Variants in MEI1 observed in about 807,000 individuals in gnomAD.
MEI1 encodes the protein meiosis inhibitor protein 1.
A neutral mutation model predicts 146.2 loss-of-function variants in MEI1; 103 were observed. The observed-to-expected ratio is 0.70, with a 90% CI of 0.60 to 0.83. The LOEUF (loss-of-function observed/expected upper bound fraction) is 0.83, where lower values mean the gene tolerates loss of function less well. Ranked by LOEUF, MEI1 falls within the 40% of genes least tolerant of loss-of-function variation. The pLI is 0.00. For synonymous variants in MEI1, 652 were observed against 628.2 expected (o/e 1.04, Z -0.57); for missense variants, 1,529 against 1,533.0 (o/e 1.00, Z 0.04).
Position 41,716,121 on chromosome 22 carries a change from G to A in MEI1, c.504G>A (p.Leu168=), listed in dbSNP as rs2070124323. ...LGKLVDAIPA[L]ADELVMEHGN... ...AGTTGGTGGATGCCATCCCTGCTCT[G>A]GCAGACGAGCTTGTAATGGAGCATG... Residue 168 remains leucine, a synonymous_variant, in exon 5 of 31, where the codon CTG becomes CTA. Coordinates refer to ENST00000401548, the MANE Select transcript of MEI1 (RefSeq NM_152513.4). 6.2e-7 allele frequency: 1 copy of A among 1,610,182 alleles called. No individual in the cohort carries two copies. The highest frequency in any genetic ancestry group is 8.5e-7 in the Non-Finnish European group (1 of 1,178,248).
chr22:41,791,270 T>G (rs2148231381), intron 26 of MEI1, among the ~76,000 whole-genome samples: 1 of 152,228 alleles, frequency 6.6e-6, no homozygotes, highest in South Asian at 2.1e-4. Context: ...GTGGATTGCT[T>G]GAGTCTACGA....
chr22:41,742,875 C>G (rs2072996117), intron 11 of MEI1, among the ~76,000 whole-genome samples: 2 of 152,162 alleles, frequency 1.3e-5, no homozygotes, highest in Admixed American at 1.3e-4. Context: ...ATCTCCTGGA[C>G]TCAAGACATC....
chr22:41,721,237 C>CTTTTT (rs984702207), intron 6 of MEI1, among the ~76,000 whole-genome samples: 1,025 of 70,464 alleles, frequency 0.015, 85 homozygotes, highest in African/African-American at 0.059. Flanking sequence ...CACGCCCGTT[C>CTTTTT]TTTTTTTTTT....
chr22:41,746,741 G>A (rs911728001), intron 14 of MEI1, among the ~76,000 whole-genome samples: 2 of 152,080 alleles, frequency 1.3e-5, no homozygotes, highest in Non-Finnish European at 2.9e-5. Context: ...ACCATTTACT[G>A]GGAACAGTAG....
chr22:41,746,661 T>A (rs1188107501), intron 14 of MEI1, among the ~76,000 whole-genome samples: 1 of 152,154 alleles, frequency 6.6e-6, no homozygotes, highest in African/African-American at 2.4e-5. Context: ...ATGAGTAACC[T>A]CCTGCTTGAG....
intron 3 of MEI1, 101 bp downstream of exon 3, chr22:41,705,655 A>G: frequency 1.1e-6 from 1 of 947,796 alleles, no homozygotes; most frequent in Non-Finnish European, 1.7e-6. Flanking sequence ...GTTTAGACAC[A>G]GATAAGAGGA....
intron 7 of MEI1, among the ~76,000 whole-genome samples, chr22:41,726,813 G>A (rs1228158295): frequency 3.3e-5 from 5 of 149,646 alleles, no homozygotes; most frequent in African/African-American, 7.4e-5. Context: ...TCGCTCTGTC[G>A]CCCAGGCTGG....
chr22:41,709,439 C>T lies in MEI1; in HGVS notation c.349+3885C>T, dbSNP rs1601650334. 8.8e-6 allele frequency: 6 copies of T among 684,752 alleles called. No individual in the cohort carries two copies. In the East Asian group the frequency reaches 9.0e-5, roughly 10 times the overall value. 42.4% of individuals were successfully genotyped at this position (684,752 alleles called of 1,614,324 possible). ...GATCTTCTCTGTGGTTCGTCCTTCA[C>T]CTTGGCTTTATCTCCTTTAGCATCA... On this transcript the variant is annotated intron_variant, in intron 3 of 30. Transcript: ENST00000401548.
At chr22:41,748,252 A>C in intron 15 of MEI1, 34 bp downstream of exon 15, 1 of 1,401,244 alleles carries the variant, frequency 7.1e-7, no homozygotes. Flanking sequence ...GTTGGGAGGG[A>C]GGCAAGCACC....
chr22:41,723,912 T>C (rs2147465403), intron 6 of MEI1, 31 bp from the exon 7 acceptor site: 1 of 1,569,240 alleles, frequency 6.4e-7, no homozygotes. Flanking sequence ...GTGTTCCTCT[T>C]GCCTTACTTC....
intron 14 of MEI1, chr22:41,747,561 G>C (rs1012553776): frequency 1.3e-5 from 2 of 151,890 alleles, no homozygotes; most frequent in Non-Finnish European, 2.9e-5. Flanking sequence ...AAAATTAGCC[G>C]GGCGTGATGG....
intron 17 of MEI1, among the ~76,000 whole-genome samples, chr22:41,758,122 A>C (rs575115160): frequency 6.6e-6 from 1 of 152,060 alleles, no homozygotes; most frequent in South Asian, 2.1e-4. Flanking sequence ...AAAACAAAAC[A>C]AAAAAGGAAT....
Position 41,794,457 on chromosome 22 carries a change from A to AT in MEI1, c.3518dup (p.Leu1173PhefsTer13). 1 of 1,613,700 alleles carries AT rather than the reference A, an allele frequency of 6.2e-7. No homozygotes were observed. Among genetic ancestry groups the AT allele is most frequent in the Non-Finnish European group, 8.5e-7 (1 of 1,179,706 alleles). On this transcript the variant is annotated frameshift_variant, in exon 28 of 31. Coordinates refer to ENST00000401548, the MANE Select transcript of MEI1 (RefSeq NM_152513.4). LOFTEE classifies it high-confidence loss of function. ...AGAGAATTCCTTCCTCAGACCTGAG[A>AT]TTTTGAGGCTCATGACCCTGGTAAG...
intron 3 of MEI1, chr22:41,709,565 GGTT>G (rs988067413): frequency 1.4e-5 from 7 of 504,550 alleles, no homozygotes; most frequent in African/African-American, 1.2e-4. Context: ...TCGGTCCAGG[GGTT>G]GTTCTCGCCT....
chr22:41,744,930 A>G (rs2073175306), intron 12 of MEI1, 43 bp from the exon 13 acceptor site: 6 of 1,278,934 alleles, frequency 4.7e-6, no homozygotes, highest in South Asian at 1.5e-5. Context: ...GAGACACAGC[A>G]TATACTTGAT....
chr22:41,708,844 C>T (rs1452884175), intron 3 of MEI1, among the ~76,000 whole-genome samples: 1 of 152,200 alleles, frequency 6.6e-6, no homozygotes. Context: ...CAACAGATGT[C>T]TGGGTCTTAA....
chr22:41,759,096 T>C (rs1414646912), intron 18 of MEI1, among the ~76,000 whole-genome samples: 1 of 152,168 alleles, frequency 6.6e-6, no homozygotes, highest in Non-Finnish European at 1.5e-5. Flanking sequence ...TGAGCCAAGA[T>C]TGTGCCACTG....
At chr22:41,719,194 G>T (rs2070507908) in intron 6 of MEI1, among the ~76,000 whole-genome samples, 1 of 152,026 alleles carries the variant, frequency 6.6e-6, no homozygotes. Flanking sequence ...GTGTTAGACA[G>T]GATGGTCTCG....
intron 18 of MEI1, among the ~76,000 whole-genome samples, chr22:41,761,178 G>A (rs575055789): frequency 2.6e-5 from 4 of 152,170 alleles, no homozygotes; most frequent in African/African-American, 9.6e-5. Flanking sequence ...GAGTGTGGTG[G>A]CGAGCGTCTG....
Sources: allele counts gnomAD v4.1 joint callset (sites outside exome capture counted in the v4.1 genomes callset), GRCh38; gene constraint gnomAD v4.1.1; transcripts MANE v1.5; gene names NCBI Gene and HGNC (gene_info 2026-07-23, HGNC 2026-07-21).